NCOA1: variants seen among roughly 807,000 people sequenced by gnomAD.
NCOA1 encodes nuclear receptor coactivator 1.
Under a neutral mutation model 150.9 loss-of-function variants are expected in NCOA1, and 35 were observed. The ratio of observed to expected loss-of-function variants is 0.23; its 90% CI spans 0.18 to 0.31. NCOA1 has a LOEUF of 0.31. Among genes scored for constraint, NCOA1 ranks in the 10% least tolerant of loss-of-function variants. The pLI is 1.00. For synonymous variants in NCOA1, 590 were observed against 630.0 expected (o/e 0.94, Z 0.95); for missense variants, 1,491 against 1,749.3 (o/e 0.85, Z 2.63).
Position 24,705,319 on chromosome 2 carries a change from G to T in NCOA1, c.1097+86G>T, listed in dbSNP as rs545113796. The stretch of plus-strand genomic sequence containing the variant: ...AAATTTTTTATACTCTTGATGGCTA[G>T]AAAGCAGAAATTCTAAATTAGGCGT... On this transcript the variant is annotated intron_variant, in intron 12 of 22. Coordinates refer to ENST00000348332, the MANE Select transcript of NCOA1 (RefSeq NM_003743.5). 2.5e-5 allele frequency: 35 copies of T among 1,375,660 alleles called. No homozygotes were observed. In the African/African-American group the frequency reaches 4.9e-4, roughly 19 times the overall value. The allele number at this position is 1,375,660 out of a possible 1,614,324, so 85.2% of individuals were successfully genotyped here.
At chr2:24,552,791 G>T (rs554791945) in intron 1 of NCOA1, among the ~76,000 whole-genome samples, 3 of 152,144 alleles carry the variant, frequency 2.0e-5, no homozygotes, top group African/African-American at 4.8e-5. Context: ...ACCACTAGAA[G>T]TACAATGTAA....
At chr2:24,630,467 T>G (rs1572514969) in intron 3 of NCOA1, among the ~76,000 whole-genome samples, 1 of 152,364 alleles carries the variant, frequency 6.6e-6, no homozygotes, top group Middle Eastern at 3.4e-3. Flanking sequence ...TAAACATTGT[T>G]AGCATGAACT....
chr2:24,762,606 T>C, intron 21 of NCOA1, 81 bp from the exon 22 acceptor site: 4 of 1,213,954 alleles, frequency 3.3e-6, no homozygotes, highest in Admixed American at 1.8e-5. Flanking sequence ...TTTCTGTCAG[T>C]GAGATTGTTT....
chr2:24,547,728 C>G (rs548142419), intron 1 of NCOA1, among the ~76,000 whole-genome samples: 1 of 151,144 alleles, frequency 6.6e-6, no homozygotes, highest in South Asian at 2.1e-4. Context: ...ATGGCTCATG[C>G]CTGTAATCCC....
rs539044298 is a variant in NCOA1 at position 24,530,884 on chromosome 2, G to A, written c.-395-33411G>A. 1.3e-3 allele frequency among the ~76,000 whole-genome samples: 195 copies of A among 152,294 alleles called. 1 individual carries two copies. The highest frequency in any genetic ancestry group is 4.4e-3 in the African/African-American group (183 of 41,548). On this transcript the variant is annotated intron_variant, in intron 1 of 22. Coordinates refer to ENST00000348332, the MANE Select transcript of NCOA1 (RefSeq NM_003743.5). Reference sequence around the variant, plus strand: ...TACTATGTGGCCAAAGTCTTATGGAGATTTCTTATATATCAGACTTCTTTA... The same window carrying A: ...TACTATGTGGCCAAAGTCTTATGGAAATTTCTTATATATCAGACTTCTTTA...
chr2:24,587,218 C>G (rs1446443498), intron 3 of NCOA1, among the ~76,000 whole-genome samples: 1 of 152,058 alleles, frequency 6.6e-6, no homozygotes, highest in Non-Finnish European at 1.5e-5. Flanking sequence ...GGAGTTTTGC[C>G]ATGTGTGTCT....
chr2:24,743,853 A>G (rs2148665800), intron 19 of NCOA1, among the ~76,000 whole-genome samples: 1 of 152,376 alleles, frequency 6.6e-6, no homozygotes, highest in East Asian at 1.9e-4. Context: ...AGTAAGCCAA[A>G]CATTAATAAA....
At chr2:24,542,312 G>C (rs1421839798) in intron 1 of NCOA1, among the ~76,000 whole-genome samples, 1 of 152,144 alleles carries the variant, frequency 6.6e-6, no homozygotes, top group Non-Finnish European at 1.5e-5. Context: ...TCAAGGATAA[G>C]AGGGAAAATT....
At chr2:24,709,305 A>G (rs902338874) in intron 13 of NCOA1, among the ~76,000 whole-genome samples, 12 of 152,184 alleles carry the variant, frequency 7.9e-5, no homozygotes, top group Non-Finnish European at 1.2e-4. Flanking sequence ...TTTTCAGTAG[A>G]TAATGCCAGT....
At chr2:24,597,497 G>T (rs1667930895) in intron 3 of NCOA1, among the ~76,000 whole-genome samples, 1 of 151,498 alleles carries the variant, frequency 6.6e-6, no homozygotes, top group Non-Finnish European at 1.5e-5. Flanking sequence ...TGTGTTTGTG[G>T]CAGGGGCTGG....
At chr2:24,578,742 T>C (rs1305159649) in intron 2 of NCOA1, among the ~76,000 whole-genome samples, 4 of 152,056 alleles carry the variant, frequency 2.6e-5, no homozygotes, top group Non-Finnish European at 5.9e-5. Context: ...CATAAACATA[T>C]CTAAGGGCAT....
intron 3 of NCOA1, among the ~76,000 whole-genome samples, chr2:24,629,554 A>G (rs1283681855): frequency 1.4e-5 from 2 of 147,884 alleles, no homozygotes; most frequent in Non-Finnish European, 3.0e-5. Flanking sequence ...AAACAATGAG[A>G]TTTAAAAACA....
chr2:24,597,459 G>A (rs1667929611), intron 3 of NCOA1, among the ~76,000 whole-genome samples: 2 of 151,380 alleles, frequency 1.3e-5, no homozygotes, highest in South Asian at 4.2e-4. Context: ...TGGTTATCTG[G>A]AAAACCATAA....
intron 3 of NCOA1, among the ~76,000 whole-genome samples, chr2:24,597,008 T>G (rs1014634217): frequency 3.9e-5 from 6 of 152,228 alleles, no homozygotes; most frequent in Non-Finnish European, 7.4e-5. Flanking sequence ...ATATTAACAA[T>G]GTAATATTTA....
At position 24,516,016 on chromosome 2, in the gene NCOA1, G is replaced by A. The variant is rs930552317; in HGVS notation, c.-396+24414G>A. On this transcript the variant is annotated intron_variant, in intron 1 of 22. Coordinates refer to ENST00000348332, the MANE Select transcript of NCOA1 (RefSeq NM_003743.5). ...CCTCAGAAGCTCTTACTAAGGAAGA[G>A]CCTTAGCTCAGTCAGCAGGCAGTCA... Among the ~76,000 whole-genome samples, 6 of 152,154 alleles carry A rather than the reference G, an allele frequency of 3.9e-5. 1 individual carries two copies. Among genetic ancestry groups the A allele is most frequent in the Admixed American group, 3.9e-4 (6 of 15,290 alleles).
At chr2:24,631,686 A>G (rs1669717433) in intron 3 of NCOA1, among the ~76,000 whole-genome samples, 1 of 152,196 alleles carries the variant, frequency 6.6e-6, no homozygotes, top group Non-Finnish European at 1.5e-5. Flanking sequence ...TTGGTAATGG[A>G]AGATGGATTT....
chr2:24,728,347 A>C lies in NCOA1; in HGVS notation c.2757A>C (p.Pro919=). Residue 919 remains proline (P), a synonymous_variant, in exon 16 of 23, where the codon CCA becomes CCC. Transcript: ENST00000348332. The stretch of plus-strand genomic sequence containing the variant: ...CACAATTAGATGAGCTTCTCTGTCC[A>C]CCCACAACAGTAGAAGGGAGAAATG... ...ISSQLDELLC[P]PTTVEGRNDE... is the part of the protein sequence containing the mutation. 6.2e-7 allele frequency: 1 copy of C among 1,613,596 alleles called. No homozygotes were observed. Among genetic ancestry groups the C allele is most frequent in the South Asian group, 1.1e-5 (1 of 91,036 alleles).
chr2:24,528,072 T>C (rs1178271328), intron 1 of NCOA1, among the ~76,000 whole-genome samples: 1 of 152,238 alleles, frequency 6.6e-6, no homozygotes, highest in African/African-American at 2.4e-5. Context: ...TATTAATGCC[T>C]TATCAGATAG....
In NCOA1 at chr2:24,594,860, ATGAT is replaced by A. The variant is rs145961537; in HGVS notation, c.-175+10305_-175+10308del. 5.8e-4 allele frequency among the ~76,000 whole-genome samples: 89 copies of A among 152,226 alleles called. 1 individual carries two copies. Among genetic ancestry groups the A allele is most frequent in the African/African-American group, 2.0e-3 (84 of 41,562 alleles). On this transcript the variant is annotated intron_variant, in intron 3 of 22. Transcript: ENST00000348332. ...TGAGACTGTTTCACTTTTAAAATAC[ATGAT>A]TGATGTTTAATCTTTCAGAAATTTA...
Sources: allele counts gnomAD v4.1 joint callset (sites outside exome capture counted in the v4.1 genomes callset), GRCh38; gene constraint gnomAD v4.1.1; transcripts MANE v1.5; gene names NCBI Gene and HGNC (gene_info 2026-07-23, HGNC 2026-07-21).